Variants in NPAS3 observed in about 807,000 individuals in gnomAD.
NPAS3 encodes the protein neuronal PAS domain-containing protein 3.
Under a neutral mutation model 73.1 loss-of-function variants are expected in NPAS3, and 14 were observed. The observed-to-expected ratio is 0.19, with a 90% CI of 0.13 to 0.30. The LOEUF (loss-of-function observed/expected upper bound fraction) is 0.30, where lower values mean the gene tolerates loss of function less well. Ranked by LOEUF, NPAS3 falls within the 10% of genes least tolerant of loss-of-function variation. NPAS3 has a pLI of 1.00. For missense variants in NPAS3, 1,096 were observed against 1,250.0 expected, an observed-to-expected ratio of 0.88 and a Z score of 1.86; for synonymous variants, 620 against 541.5, an observed-to-expected ratio of 1.14 and a Z score of -2.01.
chr14:33,141,677 TTAGA>T (rs1007647365), intron 2 of NPAS3, among the ~76,000 whole-genome samples: 48 of 152,332 alleles, frequency 3.2e-4, no homozygotes, highest in African/African-American at 1.1e-3. Context: ...TCCTCTATGA[TTAGA>T]TATTTAGATG....
At chr14:33,477,711 A>G (rs2051109343) in intron 4 of NPAS3, among the ~76,000 whole-genome samples, 1 of 152,198 alleles carries the variant, frequency 6.6e-6, no homozygotes, top group African/African-American at 2.4e-5. Flanking sequence ...TGCCCCTTAC[A>G]GCCCTTCAAG....
At chr14:33,652,244 T>G (rs1201786508) in intron 5 of NPAS3, among the ~76,000 whole-genome samples, 1 of 152,222 alleles carries the variant, frequency 6.6e-6, no homozygotes, top group Admixed American at 6.5e-5. Context: ...CTCTTTGCTC[T>G]AAATGGGAAT....
chr14:33,646,491 C>A (rs958907294), intron 5 of NPAS3, among the ~76,000 whole-genome samples: 1 of 152,004 alleles, frequency 6.6e-6, no homozygotes, highest in Non-Finnish European at 1.5e-5. Flanking sequence ...AGTTCTGCCT[C>A]CTAGTATCTA....
At chr14:33,764,137 G>C (rs963124482) in intron 7 of NPAS3, among the ~76,000 whole-genome samples, 2 of 152,182 alleles carry the variant, frequency 1.3e-5, no homozygotes, top group African/African-American at 4.8e-5. Flanking sequence ...TAGAGCCCTT[G>C]AAGTTAAATG....
intron 2 of NPAS3, among the ~76,000 whole-genome samples, chr14:33,188,774 C>T (rs912857): frequency 0.58 from 88,251 of 151,978 alleles, 26,063 homozygotes; most frequent in East Asian, 0.83. Context: ...CTTCAGGAAG[C>T]GATAAGATGA....
intron 3 of NPAS3, among the ~76,000 whole-genome samples, chr14:33,230,499 C>T (rs1350258448): frequency 5.3e-5 from 8 of 152,166 alleles, no homozygotes; most frequent in Non-Finnish European, 1.2e-4. Context: ...GAATCCTCAT[C>T]TTTTATTTTT....
Position 33,119,707 on chromosome 14 carries a change from T to C in NPAS3, c.140+63713T>C, listed in dbSNP as rs537064983. Among the ~76,000 whole-genome samples, 19 of 152,176 alleles carry C rather than the reference T, an allele frequency of 1.2e-4. No homozygotes were observed. In the East Asian group the frequency reaches 3.7e-3, roughly 30 times the overall value. On this transcript the variant is annotated intron_variant, in intron 2 of 11. Coordinates refer to ENST00000356141, the Ensembl canonical transcript of NPAS3. ...AAACTTGAAATCCAGGTAAAGTTGCTCCCTTAGAAGGAAAGTAAGGCATTC... is the reference window on the plus strand; with the variant it reads ...AAACTTGAAATCCAGGTAAAGTTGCCCCCTTAGAAGGAAAGTAAGGCATTC...
At chr14:33,398,327 T>C (rs1005153911) in intron 4 of NPAS3, among the ~76,000 whole-genome samples, 1 of 151,890 alleles carries the variant, frequency 6.6e-6, no homozygotes, top group African/African-American at 2.4e-5. Context: ...AATTACTGAA[T>C]CTTTGTTCCT....
intron 7 of NPAS3, among the ~76,000 whole-genome samples, chr14:33,747,851 C>T (rs2061851000): frequency 6.6e-6 from 1 of 152,200 alleles, no homozygotes. Context: ...CCATGGGTCA[C>T]ACCTGCATTT....
At chr14:33,275,611 C>T (rs2041294317) in intron 3 of NPAS3, among the ~76,000 whole-genome samples, 1 of 152,136 alleles carries the variant, frequency 6.6e-6, no homozygotes, top group Admixed American at 6.6e-5. Context: ...CTTGTGAAGT[C>T]ACATCCATAA....
chr14:33,590,168 A>G (rs747748659), intron 5 of NPAS3, among the ~76,000 whole-genome samples: 19 of 152,190 alleles, frequency 1.2e-4, no homozygotes, highest in Non-Finnish European at 2.2e-4. Flanking sequence ...ATTATTTGCT[A>G]TGTAAAAAAA....
chr14:33,257,678 AC>A, intron 3 of NPAS3, among the ~76,000 whole-genome samples: 1 of 152,202 alleles, frequency 6.6e-6, no homozygotes, highest in Non-Finnish European at 1.5e-5. Flanking sequence ...TCTGTGCATT[AC>A]CACTGAATGT....
intron 4 of NPAS3, among the ~76,000 whole-genome samples, chr14:33,420,094 G>C (rs2048309992): frequency 1.3e-5 from 2 of 151,872 alleles, no homozygotes; most frequent in Admixed American, 1.3e-4. Flanking sequence ...TTGAAAAGAT[G>C]GTCTTCAAAG....
intron 2 of NPAS3, among the ~76,000 whole-genome samples, chr14:33,171,564 C>T (rs2045389927): frequency 6.6e-6 from 1 of 152,220 alleles, no homozygotes; most frequent in African/African-American, 2.4e-5. Flanking sequence ...TGTCAGCCTT[C>T]ATAGAACTGA....
chr14:33,209,054 CCTTGAA>C (rs2046934496), intron 2 of NPAS3, among the ~76,000 whole-genome samples: 4 of 152,148 alleles, frequency 2.6e-5, no homozygotes, highest in South Asian at 2.1e-4. Flanking sequence ...AGAGTTCTTA[CCTTGAA>C]CTTGAAGGTT....
Position 33,191,263 on chromosome 14 carries a change from A to G in NPAS3, c.141-23919A>G, listed in dbSNP as rs548465140. 4.6e-5 allele frequency among the ~76,000 whole-genome samples: 7 copies of G among 152,338 alleles called. No homozygotes were observed. The South Asian group carries it at 1.5e-3, about 32-fold the overall frequency. ...CATTTATCAGTAGATATCATAAAGT[A>G]TTATGATTTGGGTGGAAGAAACTGC... On this transcript the variant is annotated intron_variant, in intron 2 of 11. Transcript: ENST00000356141.
At position 33,311,219 on chromosome 14, in the gene NPAS3, C is replaced by G. The variant is rs1243062424; in HGVS notation, c.386-55967C>G. ...CAGCTGTCCTTTGGCAAAGTGCTCT[C>G]AGTATTTCGAAATAATAATAGAAAA... On this transcript the variant is annotated intron_variant, in intron 3 of 11. Coordinates refer to ENST00000356141, the Ensembl canonical transcript of NPAS3. Among the ~76,000 whole-genome samples, 2 of 152,036 alleles carry G rather than the reference C, an allele frequency of 1.3e-5. 1 individual carries two copies. The highest frequency in any genetic ancestry group is 2.9e-5 in the Non-Finnish European group (2 of 68,018).
chr14:33,566,865 A>G lies in NPAS3; in HGVS notation c.558+6655A>G, dbSNP rs1480750592. Among the ~76,000 whole-genome samples the G allele has an allele frequency of 2.0e-5, 3 of 152,224 alleles. No homozygotes were observed. The East Asian group carries it at 5.8e-4, about 29-fold the overall frequency. Reference sequence around the variant, plus strand: ...GTATTTCTCTTATAACCTTAAAATTATGTAACAATGACATAAGGCCCAGAA... The same window carrying G: ...GTATTTCTCTTATAACCTTAAAATTGTGTAACAATGACATAAGGCCCAGAA... On this transcript the variant is annotated intron_variant, in intron 5 of 11. Coordinates refer to ENST00000356141, the Ensembl canonical transcript of NPAS3.
intron 3 of NPAS3, among the ~76,000 whole-genome samples, chr14:33,337,429 C>G (rs1227467394): frequency 6.6e-6 from 1 of 152,082 alleles, no homozygotes; most frequent in African/African-American, 2.4e-5. Flanking sequence ...TCTGAACTCT[C>G]TCTTGTTCTA....
Sources: allele counts gnomAD v4.1 joint callset (sites outside exome capture counted in the v4.1 genomes callset), GRCh38; gene constraint gnomAD v4.1.1; transcripts MANE v1.5; gene names NCBI Gene and HGNC (gene_info 2026-07-23, HGNC 2026-07-21).